DPP10: variants seen among roughly 807,000 people sequenced by gnomAD.
DPP10 encodes the protein dipeptidyl peptidase like 10, also known as inactive dipeptidyl peptidase 10.
Under a neutral mutation model 120.9 loss-of-function variants are expected in DPP10, and 33 were observed. That is an observed-to-expected ratio of 0.27 (90% CI 0.21 to 0.37). The LOEUF (loss-of-function observed/expected upper bound fraction) is 0.37, where lower values mean the gene tolerates loss of function less well. DPP10 is among the 10% of genes least tolerant of loss of function. DPP10 has a pLI of 1.00. For synonymous variants in DPP10, 337 were observed against 326.1 expected (o/e 1.03, Z -0.36); for missense variants, 816 against 942.8 (o/e 0.87, Z 1.76).
intron 1 of DPP10, among the ~76,000 whole-genome samples, chr2:114,950,775 GA>G (rs1162249092): frequency 6.6e-6 from 1 of 152,014 alleles, no homozygotes; most frequent in African/African-American, 2.4e-5. Flanking sequence ...TTCAAACACT[GA>G]AAAATGTCAG....
chr2:114,690,647 G>A lies in DPP10; in HGVS notation c.60+247809G>A, dbSNP rs532696843. On this transcript the variant is annotated intron_variant, in intron 1 of 25. Coordinates refer to ENST00000410059, the MANE Select transcript of DPP10 (RefSeq NM_020868.6). Reference sequence around the variant, plus strand: ...TGTAAATGGTAGTTTAATGGGAAAAGCATTAAATCTATAAATTACTTTGGG... The same window carrying A: ...TGTAAATGGTAGTTTAATGGGAAAAACATTAAATCTATAAATTACTTTGGG... 2.0e-5 allele frequency among the ~76,000 whole-genome samples: 3 copies of A among 152,112 alleles called. No homozygotes were observed. The South Asian group carries it at 6.2e-4, about 32-fold the overall frequency.
chr2:114,834,218 TA>T (rs1420536780), intron 1 of DPP10, among the ~76,000 whole-genome samples: 2 of 150,466 alleles, frequency 1.3e-5, no homozygotes, highest in South Asian at 4.2e-4. Flanking sequence ...CACACCTATG[TA>T]TATATATAGG....
chr2:115,836,376 G>C, intron 22 of DPP10, 120 bp downstream of exon 22: 1 of 1,392,754 alleles, frequency 7.2e-7, no homozygotes, highest in African/African-American at 1.4e-5. Context: ...GTTTTCAGCT[G>C]TTTATCTCCT....
chr2:114,514,356 A>C (rs142987464), intron 1 of DPP10, among the ~76,000 whole-genome samples: 1 of 152,270 alleles, frequency 6.6e-6, no homozygotes, highest in East Asian at 1.9e-4. Context: ...CCATGACTAG[A>C]CCTTGGTGTC....
chr2:115,640,359 C>G (rs2086679878), intron 5 of DPP10, among the ~76,000 whole-genome samples: 1 of 151,458 alleles, frequency 6.6e-6, no homozygotes, highest in Non-Finnish European at 1.5e-5. Context: ...CCTCCTCCCT[C>G]TCTGTGGACC....
intron 5 of DPP10, among the ~76,000 whole-genome samples, chr2:115,555,328 A>G (rs1339134573): frequency 6.6e-6 from 1 of 152,072 alleles, no homozygotes; most frequent in Non-Finnish European, 1.5e-5. Context: ...AATGTTTTTA[A>G]TTTTACATGC....
At chr2:115,686,849 G>A (rs1042874362) in intron 5 of DPP10, among the ~76,000 whole-genome samples, 2 of 151,940 alleles carry the variant, frequency 1.3e-5, no homozygotes, top group South Asian at 4.1e-4. Context: ...GGATGAATAG[G>A]TAATTTTTGG....
chr2:115,815,834 T>C (rs1687166443), intron 21 of DPP10, 105 bp downstream of exon 21: 1 of 1,126,994 alleles, frequency 8.9e-7, no homozygotes, highest in Admixed American at 2.0e-5. Context: ...AAGTTCCATA[T>C]TGACTGGGAT....
chr2:115,647,982 A>G (rs182137698), intron 5 of DPP10, among the ~76,000 whole-genome samples: 26 of 152,288 alleles, frequency 1.7e-4, no homozygotes, highest in African/African-American at 6.0e-4. Flanking sequence ...CTAATGCAGT[A>G]AAGATTCATA....
At chr2:114,545,466 G>A (rs757428288) in intron 1 of DPP10, among the ~76,000 whole-genome samples, 3 of 152,140 alleles carry the variant, frequency 2.0e-5, no homozygotes, top group African/African-American at 4.8e-5. Flanking sequence ...AGGTCACTGA[G>A]GGACACTGTT....
rs71881888 is a variant in DPP10, at chr2:115,554,001, T to TCACACACACACACACA, written c.441+28055_441+28070dup. On this transcript the variant is annotated intron_variant, in intron 5 of 25. Coordinates refer to ENST00000410059, the MANE Select transcript of DPP10 (RefSeq NM_020868.6). ...CGACACCTATCTCTCTCTCTCTCTT[T>TCACACACACACACACA]CACACACACACACACACACACACAC... Among the ~76,000 whole-genome samples, 5 of 135,594 alleles carry TCACACACACACACACA rather than the reference T, an allele frequency of 3.7e-5. No individual in the cohort carries two copies. In the South Asian group the frequency reaches 1.0e-3, roughly 27 times the overall value. The allele number at this position is 135,594 out of a possible 152,430, so 89.0% of individuals were successfully genotyped here. A position where few individuals can be genotyped will look rare whatever the true frequency, so the allele number is the denominator to read the frequency against.
chr2:114,988,587 G>T (rs1191764903), intron 1 of DPP10, among the ~76,000 whole-genome samples: 1 of 152,056 alleles, frequency 6.6e-6, no homozygotes, highest in African/African-American at 2.4e-5. Context: ...CTTTCCCCAG[G>T]ATATAGTCAT....
chr2:114,983,907 G>A (rs947030658), intron 1 of DPP10, among the ~76,000 whole-genome samples: 1 of 152,124 alleles, frequency 6.6e-6, no homozygotes, highest in African/African-American at 2.4e-5. Flanking sequence ...ATTAAGCTAT[G>A]GTTTAACCCC....
intron 1 of DPP10, among the ~76,000 whole-genome samples, chr2:114,774,520 CCTT>C (rs1461065012): frequency 6.6e-6 from 1 of 150,874 alleles, no homozygotes; most frequent in Non-Finnish European, 1.5e-5. Flanking sequence ...CAGATTTACT[CCTT>C]AACACTATCT....
chr2:115,291,011 A>T (rs1312820376), intron 1 of DPP10, among the ~76,000 whole-genome samples: 1 of 151,968 alleles, frequency 6.6e-6, no homozygotes, highest in Non-Finnish European at 1.5e-5. Flanking sequence ...CCCTGAGTTT[A>T]TTATTTTTCT....
chr2:114,679,439 T>C (rs1204357134), intron 1 of DPP10, among the ~76,000 whole-genome samples: 1 of 151,996 alleles, frequency 6.6e-6, no homozygotes, highest in Non-Finnish European at 1.5e-5. Flanking sequence ...AATATTTATT[T>C]AGAACTAAAT....
At chr2:115,321,515 G>GTTTTTTTTTTTTTTTTTTTGTTTTT (rs35046366) in intron 2 of DPP10, among the ~76,000 whole-genome samples, 1 of 121,592 alleles carries the variant, frequency 8.2e-6, no homozygotes, top group Non-Finnish European at 1.6e-5. Flanking sequence ...TTTTTTTAGT[G>GTTTTTTTTTTTTTTTTTTTGTTTTT]TTTTTTTTTT....
chr2:115,475,909 G>T (rs1428576021), intron 3 of DPP10, among the ~76,000 whole-genome samples: 1 of 152,148 alleles, frequency 6.6e-6, no homozygotes, highest in African/African-American at 2.4e-5. Flanking sequence ...TTTACCCAAT[G>T]CCTATACCAA....
At chr2:115,514,896 A>C (rs1326043689) in intron 4 of DPP10, among the ~76,000 whole-genome samples, 2 of 151,856 alleles carry the variant, frequency 1.3e-5, no homozygotes, top group African/African-American at 4.8e-5. Flanking sequence ...CTACAGAAAT[A>C]TGTTTGTATA....
Sources: allele counts gnomAD v4.1 joint callset (sites outside exome capture counted in the v4.1 genomes callset), GRCh38; gene constraint gnomAD v4.1.1; transcripts MANE v1.5; gene names NCBI Gene and HGNC (gene_info 2026-07-23, HGNC 2026-07-21).